The following CYTH1 variants were observed in gnomAD, a reference collection of about 807,000 sequenced individuals.
The protein encoded by CYTH1 is cytohesin-1.
In CYTH1, 18 loss-of-function variants were observed where a neutral mutation model predicts 61.8. The ratio of observed to expected loss-of-function variants is 0.29; its 90% CI spans 0.20 to 0.43. The LOEUF (loss-of-function observed/expected upper bound fraction) is 0.43. CYTH1 is among the 20% of genes least tolerant of loss of function. The probability of loss-of-function intolerance (pLI) is 1.00; values close to 1 mark genes in which losing one functional copy is unlikely to be tolerated. For missense variants in CYTH1, 336 were observed against 510.5 expected, an observed-to-expected ratio of 0.66 and a Z score of 3.29; for synonymous variants, 174 against 184.3, an observed-to-expected ratio of 0.94 and a Z score of 0.45.
intron 1 of CYTH1, among the ~76,000 whole-genome samples, chr17:78,763,122 T>C (rs766084247): frequency 2.4e-4 from 36 of 152,042 alleles, no homozygotes; most frequent in Non-Finnish European, 4.3e-4. Context: ...GGTATGTGGA[T>C]CACCTGAGGT....
intron 1 of CYTH1, among the ~76,000 whole-genome samples, chr17:78,766,194 G>A (rs1291169151): frequency 6.6e-6 from 1 of 151,398 alleles, no homozygotes; most frequent in Non-Finnish European, 1.5e-5. Flanking sequence ...GTAACTCCCT[G>A]GAAGAAACAT....
chr17:78,679,355 G>A (rs1029037611), intron 13 of CYTH1, among the ~76,000 whole-genome samples: 1 of 152,134 alleles, frequency 6.6e-6, no homozygotes, highest in Admixed American at 6.5e-5. Context: ...TTAGGAGAAA[G>A]GATCACTGAG....
In CYTH1 at chr17:78,725,499, T is replaced by A. The variant is rs77241624; in HGVS notation, c.23-15767A>T. ...TCCTAAGGGCTGTCTTATTTTGAGGTGACATCACTGGTTTTTACACAAATA... is the reference window on the plus strand; with the variant it reads ...TCCTAAGGGCTGTCTTATTTTGAGGAGACATCACTGGTTTTTACACAAATA... On this transcript the variant is annotated intron_variant, in intron 1 of 13. Coordinates refer to ENST00000446868, the MANE Select transcript of CYTH1 (RefSeq NM_004762.6). 2.9e-3 allele frequency among the ~76,000 whole-genome samples: 436 copies of A among 152,338 alleles called. 7 individuals are homozygous for A. The highest frequency in any genetic ancestry group is 0.018 in the East Asian group (94 of 5,192).
chr17:78,770,254 T>C (rs1170510146), intron 1 of CYTH1, among the ~76,000 whole-genome samples: 1 of 132,356 alleles, frequency 7.6e-6, no homozygotes, highest in African/African-American at 2.9e-5. Flanking sequence ...ACCCGGGAGG[T>C]GGAGGATGCA....
chr17:78,781,434 G>A (rs1025485555), intron 1 of CYTH1, among the ~76,000 whole-genome samples: 3 of 152,226 alleles, frequency 2.0e-5, no homozygotes, highest in Non-Finnish European at 4.4e-5. Context: ...CTCAACGCGC[G>A]GGAGCGAAGG....
At chr17:78,756,335 C>G (rs138500101) in intron 1 of CYTH1, among the ~76,000 whole-genome samples, 1 of 152,054 alleles carries the variant, frequency 6.6e-6, no homozygotes, top group Non-Finnish European at 1.5e-5. Flanking sequence ...CTCGGCCTCT[C>G]GAAGTGCTGG....
chr17:78,684,967 G>A (rs2092801477), intron 11 of CYTH1, among the ~76,000 whole-genome samples: 1 of 152,188 alleles, frequency 6.6e-6, no homozygotes, highest in Non-Finnish European at 1.5e-5. Context: ...TTGGGAGGCT[G>A]AGGCGGGCAG....
At chr17:78,705,508 A>G (rs2093056097) in intron 3 of CYTH1, among the ~76,000 whole-genome samples, 1 of 152,224 alleles carries the variant, frequency 6.6e-6, no homozygotes, top group East Asian at 1.9e-4. Context: ...GAAATCCTGT[A>G]CTACATGAGT....
At chr17:78,698,782 T>C (rs2092974504) in intron 8 of CYTH1, 38 bp downstream of exon 8, 6 of 1,536,972 alleles carry the variant, frequency 3.9e-6, no homozygotes, top group Non-Finnish European at 5.2e-6. Flanking sequence ...CAGTGAACTC[T>C]TTCTTGACTT....
chr17:78,758,975 T>C (rs989373777), intron 1 of CYTH1, among the ~76,000 whole-genome samples: 4 of 152,034 alleles, frequency 2.6e-5, no homozygotes, highest in African/African-American at 7.2e-5. Flanking sequence ...TTATGGCATG[T>C]GCTTGTGGCC....
At chr17:78,695,556 T>C (rs1345331416) in intron 10 of CYTH1, among the ~76,000 whole-genome samples, 1 of 152,234 alleles carries the variant, frequency 6.6e-6, no homozygotes, top group Non-Finnish European at 1.5e-5. Flanking sequence ...TTGTTCTCTC[T>C]GGAGTAAGTC....
At chr17:78,724,091 C>G (rs1676777633) in intron 1 of CYTH1, 1 of 152,236 alleles carries the variant, frequency 6.6e-6, no homozygotes, top group Non-Finnish European at 1.5e-5. Context: ...TTTGAGGACA[C>G]CTGCCTATTA....
chr17:78,690,411 A>AAAAAT (rs2092870107), intron 11 of CYTH1, among the ~76,000 whole-genome samples: 1 of 139,534 alleles, frequency 7.2e-6, no homozygotes, highest in Admixed American at 6.9e-5. Context: ...AAAAAAAAAA[A>AAAAAT]AAAAAAAAAA....
At chr17:78,681,790 A>C (rs887153532) in intron 11 of CYTH1, among the ~76,000 whole-genome samples, 1 of 151,248 alleles carries the variant, frequency 6.6e-6, no homozygotes, top group Non-Finnish European at 1.5e-5. Flanking sequence ...GTGGGCCCAG[A>C]TAGCGCCACT....
At chr17:78,704,741 T>TA (rs1472775889) in intron 3 of CYTH1, among the ~76,000 whole-genome samples, 2 of 152,206 alleles carry the variant, frequency 1.3e-5, no homozygotes, top group Non-Finnish European at 2.9e-5. Context: ...AGGCTGGTCT[T>TA]AAACTCCTGG....
At chr17:78,702,486 T>G in intron 4 of CYTH1, 52 bp downstream of exon 4, 1 of 1,587,028 alleles carries the variant, frequency 6.3e-7, no homozygotes, top group Non-Finnish European at 8.6e-7. Flanking sequence ...ATCTGAGCAC[T>G]ATAAAAAAAC....
At chr17:78,689,379 C>T (rs2092852091) in intron 11 of CYTH1, among the ~76,000 whole-genome samples, 2 of 152,328 alleles carry the variant, frequency 1.3e-5, no homozygotes, top group South Asian at 4.1e-4. Context: ...TCAGCTCCAC[C>T]TCAGATCATC....
At chr17:78,728,200 G>C (rs909615115) in intron 1 of CYTH1, among the ~76,000 whole-genome samples, 8 of 152,188 alleles carry the variant, frequency 5.3e-5, no homozygotes, top group Non-Finnish European at 1.5e-5. Context: ...CCTGAGCAAA[G>C]GTAGAAAGAC....
intron 1 of CYTH1, among the ~76,000 whole-genome samples, chr17:78,744,848 A>C (rs1293486154): frequency 1.5e-5 from 2 of 134,966 alleles, no homozygotes; most frequent in Admixed American, 7.0e-5. Context: ...TAGATGTCAA[A>C]AAAAAAAAAA....
Sources: allele counts gnomAD v4.1 joint callset (sites outside exome capture counted in the v4.1 genomes callset), GRCh38; gene constraint gnomAD v4.1.1; transcripts MANE v1.5; gene names NCBI Gene and HGNC (gene_info 2026-07-23, HGNC 2026-07-21).